The following GRIA1 variants were observed in gnomAD, a reference collection of about 807,000 sequenced individuals.
GRIA1 encodes the protein glutamate receptor 1.
GRIA1 carries 31 observed loss-of-function variants against 99.2 expected under a neutral mutation model. The ratio of observed to expected loss-of-function variants is 0.31; its 90% CI spans 0.23 to 0.42. The LOEUF is 0.42. Ranked by LOEUF, GRIA1 falls within the 10% of genes least tolerant of loss-of-function variation. The probability of loss-of-function intolerance (pLI) is 1.00; values close to 1 mark genes in which losing one functional copy is unlikely to be tolerated. For synonymous variants in GRIA1, 438 were observed against 432.4 expected (o/e 1.01, Z -0.16); for missense variants, 782 against 1,157.5 (o/e 0.68, Z 4.71).
intron 11 of GRIA1, among the ~76,000 whole-genome samples, chr5:153,729,942 C>G (rs1289910310): frequency 6.6e-6 from 1 of 152,036 alleles, no homozygotes; most frequent in African/African-American, 2.4e-5. Context: ...TGTGAACATA[C>G]ACATGTATGC....
At chr5:153,612,188 G>T (rs1209190851) in intron 2 of GRIA1, among the ~76,000 whole-genome samples, 1 of 152,230 alleles carries the variant, frequency 6.6e-6, no homozygotes, top group African/African-American at 2.4e-5. Context: ...CCCAGAACAG[G>T]TTCTGATAGG....
At chr5:153,580,038 G>A (rs1762912545) in intron 2 of GRIA1, among the ~76,000 whole-genome samples, 1 of 152,132 alleles carries the variant, frequency 6.6e-6, no homozygotes, top group Non-Finnish European at 1.5e-5. Context: ...CCACAAGTAG[G>A]AGCCCACTTG....
intron 15 of GRIA1, 147 bp from the exon 16 acceptor site, chr5:153,810,878 T>C: frequency 1.6e-6 from 1 of 635,742 alleles, no homozygotes; most frequent in Non-Finnish European, 2.8e-6. Context: ...TCTGTGTTCC[T>C]GAGAAGTCAG....
In GRIA1 at chr5:153,812,858, G is replaced by A. The variant is rs1204239776; in HGVS notation, c.*1633G>A. ...CTCTCCTAGGTGCATGATTCAGTGC[G>A]TGCCATGTGTCATTAGCTTTTACTG... On this transcript the variant is annotated 3_prime_UTR_variant, in exon 16 of 16. Coordinates refer to ENST00000285900, the MANE Select transcript of GRIA1 (RefSeq NM_000827.4). 2.6e-5 allele frequency: 4 copies of A among 152,220 alleles called. No homozygotes were observed. Among genetic ancestry groups the A allele is most frequent in the Admixed American group, 6.5e-5 (1 of 15,280 alleles). 9.4% of individuals were successfully genotyped at this position (152,220 alleles called of 1,614,324 possible). A position where few individuals can be genotyped will look rare whatever the true frequency, so the allele number is the denominator to read the frequency against.
In GRIA1 at chr5:153,646,953, C is replaced by A; in HGVS notation, c.246C>A (p.Val82=). The change falls in exon 3 of 16, where the codon GTC becomes GTA. Residue 82 remains valine, a synonymous_variant. Coordinates refer to ENST00000285900, the MANE Select transcript of GRIA1 (RefSeq NM_000827.4). ...TCTGTTCCCAGTTCTCCAAAGGAGT[C>A]TATGCCATCTTTGGGTTTTATGAAC... ...YRFCSQFSKG[V]YAIFGFYERR... 1 of 1,613,854 alleles carries A rather than the reference C, an allele frequency of 6.2e-7. No homozygotes were observed. Among genetic ancestry groups the A allele is most frequent in the Non-Finnish European group, 8.5e-7 (1 of 1,179,796 alleles).
At chr5:153,744,334 G>A (rs1403930683) in intron 11 of GRIA1, among the ~76,000 whole-genome samples, 1 of 152,122 alleles carries the variant, frequency 6.6e-6, no homozygotes, top group African/African-American at 2.4e-5. Context: ...GCAATAATTT[G>A]CTCTATAACA....
intron 2 of GRIA1, among the ~76,000 whole-genome samples, chr5:153,516,201 C>T (rs1308296489): frequency 2.0e-5 from 3 of 152,060 alleles, no homozygotes; most frequent in South Asian, 2.1e-4. Flanking sequence ...GCCTGGGCAA[C>T]CGAGTGAGAC....
At chr5:153,572,238 G>A (rs565219507) in intron 2 of GRIA1, among the ~76,000 whole-genome samples, 2 of 152,238 alleles carry the variant, frequency 1.3e-5, no homozygotes, top group South Asian at 4.2e-4. Context: ...ACAGCTTGAT[G>A]AGTACCCAGA....
chr5:153,636,170 T>C (rs1288807694), intron 2 of GRIA1, among the ~76,000 whole-genome samples: 3 of 152,164 alleles, frequency 2.0e-5, no homozygotes, highest in African/African-American at 7.2e-5. Flanking sequence ...CAGACGTGTG[T>C]CCATCCTTGC....
At chr5:153,783,681 A>G (rs1238468554) in intron 13 of GRIA1, among the ~76,000 whole-genome samples, 2 of 152,258 alleles carry the variant, frequency 1.3e-5, no homozygotes, top group Non-Finnish European at 2.9e-5. Flanking sequence ...AGAAACCCCT[A>G]TGGTTTATCT....
chr5:153,540,322 C>G (rs1320771981), intron 2 of GRIA1, among the ~76,000 whole-genome samples: 1 of 152,228 alleles, frequency 6.6e-6, no homozygotes, highest in Non-Finnish European at 1.5e-5. Flanking sequence ...AAGGAAACTA[C>G]AGCAGGGTCT....
chr5:153,625,447 G>A (rs555570592), intron 2 of GRIA1, among the ~76,000 whole-genome samples: 3 of 152,292 alleles, frequency 2.0e-5, no homozygotes, highest in African/African-American at 7.2e-5. Context: ...ACCGGCATTT[G>A]CCGACTGACT....
At chr5:153,501,053 A>T (rs1754968046) in intron 2 of GRIA1, among the ~76,000 whole-genome samples, 1 of 152,234 alleles carries the variant, frequency 6.6e-6, no homozygotes, top group Admixed American at 6.5e-5. Flanking sequence ...ACCTTTGGCT[A>T]GCAAGAGGAT....
At chr5:153,581,186 A>G (rs1045073405) in intron 2 of GRIA1, among the ~76,000 whole-genome samples, 4 of 152,202 alleles carry the variant, frequency 2.6e-5, no homozygotes, top group Non-Finnish European at 5.9e-5. Flanking sequence ...ATTGACAGCA[A>G]TGGTGAAAGG....
intron 2 of GRIA1, among the ~76,000 whole-genome samples, chr5:153,614,292 G>A (rs189703646): frequency 1.4e-3 from 218 of 152,034 alleles, no homozygotes; most frequent in African/African-American, 3.3e-3. Flanking sequence ...TGTTTTCCCC[G>A]CCCCTCAATT....
chr5:153,565,148 C>T (rs1761501434), intron 2 of GRIA1, among the ~76,000 whole-genome samples: 1 of 152,180 alleles, frequency 6.6e-6, no homozygotes, highest in African/African-American at 2.4e-5. Context: ...CTGTTATTTA[C>T]TCTCATACAT....
chr5:153,676,984 C>T lies in GRIA1; in HGVS notation c.862-10C>T, dbSNP rs1756633318. 3.6e-6 allele frequency: 5 copies of T among 1,390,952 alleles called. No individual in the cohort carries two copies. Among genetic ancestry groups the T allele is most frequent in the Non-Finnish European group, 3.8e-6 (4 of 1,059,904 alleles). The allele number at this position is 1,390,952 out of a possible 1,614,324, so 86.2% of individuals were successfully genotyped here. On this transcript the variant is annotated splice_polypyrimidine_tract_variant and intron_variant, in intron 6 of 15. Coordinates refer to ENST00000285900, the MANE Select transcript of GRIA1 (RefSeq NM_000827.4). ...CTTTGATACCTAACTGTCTCCATTC[C>T]TCCCACTAGTACACCTCTGCGCTCA...
intron 12 of GRIA1, among the ~76,000 whole-genome samples, chr5:153,769,423 A>C (rs576252360): frequency 2.4e-4 from 36 of 152,234 alleles, no homozygotes; most frequent in African/African-American, 8.7e-4. Flanking sequence ...CATAGGATTT[A>C]TTCTGTTCTA....
At chr5:153,674,705 T>C in intron 6 of GRIA1, 44 bp downstream of exon 6, 1 of 1,588,920 alleles carries the variant, frequency 6.3e-7, no homozygotes, top group Non-Finnish European at 8.6e-7. Flanking sequence ...GCCTGGTCCC[T>C]TTGCCTGCCC....
Sources: gnomAD v4.1 joint callset for allele counts (sites outside exome capture counted in the v4.1 genomes callset) on GRCh38, gnomAD v4.1.1 for gene constraint, MANE v1.5 for transcripts, NCBI Gene and HGNC (gene_info 2026-07-23, HGNC 2026-07-21) for gene names.